LRRTM4: variants seen among roughly 807,000 people sequenced by gnomAD.
LRRTM4 encodes leucine-rich repeat transmembrane neuronal protein 4.
A neutral mutation model predicts 47.6 loss-of-function variants in LRRTM4; 25 were observed. The ratio of observed to expected loss-of-function variants is 0.53; its 90% confidence interval spans 0.38 to 0.73. LRRTM4 has a LOEUF of 0.73. Ranked by LOEUF, LRRTM4 falls within the 30% of genes least tolerant of loss-of-function variation. The pLI, the probability that LRRTM4 is intolerant of heterozygous loss-of-function variation, is 0.00. For synonymous variants in LRRTM4, 311 were observed against 269.5 expected, an observed-to-expected ratio of 1.15 and a Z score of -1.51; for missense variants, 638 against 713.4, an observed-to-expected ratio of 0.89 and a Z score of 1.20.
At chr2:76,956,604 A>C (rs1385211075) in intron 3 of LRRTM4, among the ~76,000 whole-genome samples, 2 of 151,310 alleles carry the variant, frequency 1.3e-5, no homozygotes, top group East Asian at 3.9e-4. Flanking sequence ...TGAAAATAAT[A>C]AACACTTGAT....
intron 3 of LRRTM4, among the ~76,000 whole-genome samples, chr2:76,855,406 G>T (rs1672119370): frequency 6.6e-6 from 1 of 152,126 alleles, no homozygotes; most frequent in Non-Finnish European, 1.5e-5. Context: ...TGTTATAAAA[G>T]AAAGCATACA....
At chr2:77,156,877 T>A (rs1428837955) in intron 3 of LRRTM4, among the ~76,000 whole-genome samples, 1 of 152,014 alleles carries the variant, frequency 6.6e-6, no homozygotes, top group Non-Finnish European at 1.5e-5. Flanking sequence ...TGGCTCAACT[T>A]CTTACTAAAG....
intron 3 of LRRTM4, among the ~76,000 whole-genome samples, chr2:76,877,601 GGTTT>G (rs1354665480): frequency 4.0e-4 from 60 of 151,634 alleles, no homozygotes; most frequent in Admixed American, 3.9e-3. Context: ...TAATTATTTC[GGTTT>G]ATTTCAGGAA....
At position 76,797,644 on chromosome 2, in the gene LRRTM4, T is replaced by C; in HGVS notation, c.1552-48728A>G. On this transcript the variant is annotated intron_variant, in intron 3 of 3. Coordinates refer to ENST00000409884, the MANE Select transcript of LRRTM4 (RefSeq NM_001134745.3). ...TAACTTTAAATGTAAATGGACTAAA[T>C]GCTCCAATTAAAAGACACAGACTGG... is the stretch of plus-strand genomic sequence containing the variant. Among the ~76,000 whole-genome samples, 2 of 151,424 alleles carry C rather than the reference T, an allele frequency of 1.3e-5. 1 individual carries two copies. Among genetic ancestry groups the C allele is most frequent in the East Asian group, 3.9e-4 (2 of 5,158 alleles).
chr2:76,920,773 C>A (rs1041152729), intron 3 of LRRTM4, among the ~76,000 whole-genome samples: 4 of 152,158 alleles, frequency 2.6e-5, no homozygotes, highest in African/African-American at 9.6e-5. Flanking sequence ...ATCTTCTTTG[C>A]CTTCTACTTC....
intron 3 of LRRTM4, among the ~76,000 whole-genome samples, chr2:76,828,259 T>C (rs375611611): frequency 1.8e-4 from 28 of 151,858 alleles, no homozygotes; most frequent in Non-Finnish European, 3.2e-4. Context: ...TCCTCCAAAA[T>C]TGCAGTAAAG....
intron 3 of LRRTM4, among the ~76,000 whole-genome samples, chr2:77,280,445 C>T (rs993273499): frequency 6.6e-6 from 1 of 152,056 alleles, no homozygotes; most frequent in Admixed American, 6.6e-5. Context: ...AAGGAGCTAA[C>T]TTTAATGTTA....
In LRRTM4 at chr2:76,810,968, T is replaced by TA. The variant is rs955867964; in HGVS notation, c.1552-62053dup. Among the ~76,000 whole-genome samples, 260 of 151,526 alleles carry TA rather than the reference T, an allele frequency of 1.7e-3. 1 individual carries two copies. Among genetic ancestry groups the TA allele is most frequent in the Middle Eastern group, 0.014 (4 of 292 alleles). ...ACCTGGTGATATTGTAACCACTGGT[T>TA]AAAAAAAAAGTTAATAACTAGATTC... On this transcript the variant is annotated intron_variant, in intron 3 of 3. Coordinates refer to ENST00000409884, the MANE Select transcript of LRRTM4 (RefSeq NM_001134745.3).
At chr2:76,978,795 G>A (rs77986167) in intron 3 of LRRTM4, among the ~76,000 whole-genome samples, 5,720 of 152,100 alleles carry the variant, frequency 0.038, 248 homozygotes, top group East Asian at 0.14. Flanking sequence ...ATCTGGGGAT[G>A]TTGCCACCTA....
chr2:77,148,519 T>C (rs114482167), intron 3 of LRRTM4, among the ~76,000 whole-genome samples: 2,056 of 152,260 alleles, frequency 0.014, 43 homozygotes, highest in African/African-American at 0.047. Flanking sequence ...ATATGACACT[T>C]TGTTGCATTT....
intron 3 of LRRTM4, among the ~76,000 whole-genome samples, chr2:77,282,445 T>C (rs76261856): frequency 0.01 from 1,533 of 151,716 alleles, 46 homozygotes; most frequent in East Asian, 0.099. Flanking sequence ...TATTTTTTTC[T>C]TTTCCCTGAT....
chr2:76,884,017 G>A (rs148073334), intron 3 of LRRTM4, among the ~76,000 whole-genome samples: 5 of 149,612 alleles, frequency 3.3e-5, no homozygotes, highest in East Asian at 2.0e-4. Context: ...CTGGGGTCTC[G>A]CTATGTTGTT....
intron 3 of LRRTM4, among the ~76,000 whole-genome samples, chr2:76,912,853 C>A (rs1674118266): frequency 6.6e-6 from 1 of 152,144 alleles, no homozygotes; most frequent in Non-Finnish European, 1.5e-5. Flanking sequence ...GCCTAGCTCA[C>A]CCTTTGCCTT....
intron 3 of LRRTM4, among the ~76,000 whole-genome samples, chr2:77,212,273 T>TA (rs34171956): frequency 0.2 from 29,815 of 151,454 alleles, 5,634 homozygotes; most frequent in African/African-American, 0.49. Flanking sequence ...CTGAGAAATG[T>TA]TAAGCACTAT....
intron 3 of LRRTM4, among the ~76,000 whole-genome samples, chr2:76,814,791 A>G (rs1375142722): frequency 2.1e-5 from 3 of 141,890 alleles, no homozygotes; most frequent in African/African-American, 5.4e-5. Context: ...AATGGCTTCA[A>G]GATACACACA....
intron 3 of LRRTM4, among the ~76,000 whole-genome samples, chr2:76,843,197 G>A (rs1671737916): frequency 1.3e-5 from 2 of 152,174 alleles, no homozygotes; most frequent in South Asian, 4.1e-4. Context: ...ACAAAGGCCA[G>A]AGAAGAGAGA....
At chr2:77,195,940 C>T (rs1447423168) in intron 3 of LRRTM4, among the ~76,000 whole-genome samples, 4 of 152,092 alleles carry the variant, frequency 2.6e-5, no homozygotes, top group Admixed American at 2.0e-4. Flanking sequence ...AAGATTGAAT[C>T]TACACAGAGA....
At chr2:76,928,493 G>A (rs1378609105) in intron 3 of LRRTM4, among the ~76,000 whole-genome samples, 3 of 152,084 alleles carry the variant, frequency 2.0e-5, no homozygotes, top group African/African-American at 4.8e-5. Context: ...GATTTTTGAT[G>A]ATATAGAACA....
chr2:77,351,223 C>T (rs1295379755), intron 3 of LRRTM4, among the ~76,000 whole-genome samples: 1 of 151,714 alleles, frequency 6.6e-6, no homozygotes, highest in East Asian at 1.9e-4. Flanking sequence ...CCGCCAACTC[C>T]TTTTACTGGA....
Sources: allele counts gnomAD v4.1 joint callset (sites outside exome capture counted in the v4.1 genomes callset), GRCh38; gene constraint gnomAD v4.1.1; transcripts MANE v1.5; gene names NCBI Gene and HGNC (gene_info 2026-07-23, HGNC 2026-07-21).